Variants in DCDC2 observed in about 807,000 individuals in gnomAD.
The protein encoded by DCDC2 is doublecortin domain containing 2, also known as doublecortin domain-containing protein 2.
DCDC2 carries 40 observed loss-of-function variants against 50.2 expected under a neutral mutation model. The ratio of observed to expected loss-of-function variants is 0.80; its 90% CI spans 0.62 to 1.04. DCDC2 has a LOEUF of 1.04. Ranked by LOEUF, DCDC2 falls within the 50% of genes least tolerant of loss-of-function variation. The probability of loss-of-function intolerance (pLI) is 0.00; values close to 1 mark genes in which losing one functional copy is unlikely to be tolerated. For missense variants in DCDC2, 570 were observed against 581.9 expected, an observed-to-expected ratio of 0.98 and a Z score of 0.21; for synonymous variants, 234 against 210.6, an observed-to-expected ratio of 1.11 and a Z score of -0.96.
In DCDC2 at chr6:24,305,335, A is replaced by G. The variant is rs76843420; in HGVS notation, c.349-3291T>C. Among the ~76,000 whole-genome samples, 1,463 of 152,338 alleles carry G rather than the reference A, an allele frequency of 9.6e-3. 25 individuals are homozygous for G. The highest frequency in any genetic ancestry group is 0.033 in the African/African-American group (1,376 of 41,570). On this transcript the variant is annotated intron_variant, in intron 2 of 9. Coordinates refer to ENST00000378454, the MANE Select transcript of DCDC2 (RefSeq NM_016356.5). ...TGAATTGAAAACTAATCTTAAAGTT[A>G]TATTTCCTTGAGTTACATAATTAAA...
chr6:24,289,991 TTTTTTTTTTTTTTTTTTTTTG>T (rs1763707111), intron 5 of DCDC2, among the ~76,000 whole-genome samples: 1 of 77,848 alleles, frequency 1.3e-5, no homozygotes, highest in Non-Finnish European at 2.7e-5. Context: ...TTTTTTTTTT[TTTTTTTTTTTTTTTTTTTTTG>T]AGACGGAGTC....
intron 4 of DCDC2, among the ~76,000 whole-genome samples, chr6:24,293,687 A>G (rs1224247435): frequency 6.6e-6 from 1 of 152,238 alleles, no homozygotes; most frequent in Non-Finnish European, 1.5e-5. Context: ...AATGGATGTG[A>G]TAAACCTCTA....
At chr6:24,359,361 A>ATATTATATATATTTTATATG (rs1561789507), upstream of DCDC2, among the ~76,000 whole-genome samples, 55 of 34,106 alleles carry the variant, frequency 1.6e-3, no homozygotes, top group African/African-American at 6.7e-3. Context: ...TTTTATGTAT[A>ATATTATATATATTTTATATG]TTATATATTA....
rs775174265 is a variant in DCDC2 at position 24,178,431 on chromosome 6, C to T, written c.1225G>A (p.Asp409Asn). The T allele has an allele frequency of 1.2e-5, 19 of 1,614,102 alleles. No homozygotes were observed. The highest frequency in any genetic ancestry group is 1.6e-4 in the Middle Eastern group (1 of 6,084). The stretch of plus-strand genomic sequence containing the variant: ...TGCAGCTCCTCACCATTCTCCTCAT[C>T]GGTGCCTCCATTTACACGAGCAGGG... Reference protein sequence around the residue: ...ARPARVNGGTDEENGEELQQV... With the variant: ...ARPARVNGGTNEENGEELQQV... The change falls in exon 9 of 10, where the codon GAT (aspartate) becomes AAT (asparagine). Residue 409 changes from aspartate (D) to asparagine (N), a missense_variant. Physicochemically the swap from Asp to Asn is conservative, Grantham distance 23. Transcript: ENST00000378454.
At chr6:24,371,926 C>T in the DCDC2 span, among the ~76,000 whole-genome samples, 1 of 152,182 alleles carries the variant, frequency 6.6e-6, no homozygotes. Flanking sequence ...CAATGAGATA[C>T]CATCTCACAC....
At chr6:24,256,160 A>G (rs1762893508) in intron 7 of DCDC2, among the ~76,000 whole-genome samples, 1 of 152,180 alleles carries the variant, frequency 6.6e-6, no homozygotes, top group Non-Finnish European at 1.5e-5. Context: ...TTATTTTTAA[A>G]AGTTTAAAAC....
intron 1 of DCDC2, chr6:24,357,153 G>A: frequency 8.0e-6 from 2 of 251,018 alleles, no homozygotes; most frequent in Non-Finnish European, 1.5e-5. Flanking sequence ...AACAGAAAAC[G>A]CAAAAGTATC....
chr6:24,347,039 C>G (rs1247045911), intron 2 of DCDC2, among the ~76,000 whole-genome samples: 1 of 152,078 alleles, frequency 6.6e-6, no homozygotes, highest in Non-Finnish European at 1.5e-5. Flanking sequence ...GAGGGACAAC[C>G]CCAGCTATTA....
chr6:24,351,463 C>T (rs1169019564), intron 2 of DCDC2, among the ~76,000 whole-genome samples: 1 of 152,196 alleles, frequency 6.6e-6, no homozygotes, highest in Non-Finnish European at 1.5e-5. Flanking sequence ...CTTTTCCCAT[C>T]TCCTTTGCAT....
chr6:24,338,525 T>G (rs1209163187), intron 2 of DCDC2, among the ~76,000 whole-genome samples: 1 of 152,196 alleles, frequency 6.6e-6, no homozygotes, highest in Non-Finnish European at 1.5e-5. Flanking sequence ...CAACAGCCTC[T>G]CCCATCATGA....
At chr6:24,226,049 A>C (rs1013905945) in intron 7 of DCDC2, among the ~76,000 whole-genome samples, 5 of 152,218 alleles carry the variant, frequency 3.3e-5, no homozygotes, top group African/African-American at 9.6e-5. Flanking sequence ...ATTCCTTACT[A>C]TATGTGTGAT....
intron 7 of DCDC2, among the ~76,000 whole-genome samples, chr6:24,257,406 G>A (rs1308964828): frequency 2.0e-5 from 3 of 152,034 alleles, no homozygotes; most frequent in African/African-American, 7.2e-5. Context: ...AAGAGTTCAC[G>A]CACCAGTGGA....
Position 24,252,665 on chromosome 6 carries a change from C to CTT in DCDC2, c.922+25383_922+25384insAA, listed in dbSNP as rs1160251311. Reference sequence around the variant, plus strand: ...GAGGGGAGGATGAGCCTAGAGCCATCTCAAAGCCAAAGTACAAAATCAAAG... The same window carrying CTT: ...GAGGGGAGGATGAGCCTAGAGCCATCTTTCAAAGCCAAAGTACAAAATCAAAG... On this transcript the variant is annotated intron_variant, in intron 7 of 9. Coordinates refer to ENST00000378454, the MANE Select transcript of DCDC2 (RefSeq NM_016356.5). Among the ~76,000 whole-genome samples the CTT allele has an allele frequency of 1.1e-4, 17 of 152,296 alleles. No individual in the cohort carries two copies. In the East Asian group the frequency reaches 3.3e-3, roughly 29 times the overall value.
chr6:24,261,961 C>A (rs1763021027), intron 7 of DCDC2, among the ~76,000 whole-genome samples: 1 of 152,062 alleles, frequency 6.6e-6, no homozygotes, highest in Non-Finnish European at 1.5e-5. Context: ...CTGTCCACCC[C>A]CCAACAGGAA....
In DCDC2 at chr6:24,357,778, G is replaced by A; in HGVS notation, c.-28C>T. On this transcript the variant is annotated 5_prime_UTR_variant, in exon 1 of 10. Coordinates refer to ENST00000378454, the MANE Select transcript of DCDC2 (RefSeq NM_016356.5). ...TCCCCGCTGGCCGCCGCCTCAGCTC[G>A]CTGCTTCGCGTCGGGAGGCACCTCC... is the stretch of plus-strand genomic sequence containing the variant. 4 of 1,611,902 alleles carry A rather than the reference G, an allele frequency of 2.5e-6. No individual in the cohort carries two copies. Among genetic ancestry groups the A allele is most frequent in the Middle Eastern group, 3.3e-4 (2 of 6,052 alleles).
intron 7 of DCDC2, among the ~76,000 whole-genome samples, chr6:24,220,911 T>TGAGC (rs1184828335): frequency 3.3e-4 from 42 of 125,394 alleles, no homozygotes; most frequent in African/African-American, 9.0e-4. Context: ...AGCGAGAGAG[T>TGAGC]GAGCGAGCGA....
intron 7 of DCDC2, among the ~76,000 whole-genome samples, chr6:24,208,562 C>T (rs946735490): frequency 1.3e-5 from 2 of 151,730 alleles, no homozygotes; most frequent in Admixed American, 6.6e-5. Flanking sequence ...TAGAGACAAG[C>T]GTTTCTCCAT....
chr6:24,268,699 G>C (rs1763177799), intron 7 of DCDC2, among the ~76,000 whole-genome samples: 1 of 152,046 alleles, frequency 6.6e-6, no homozygotes, highest in African/African-American at 2.4e-5. Context: ...AGCCTCCCAA[G>C]TAGCTGAGAC....
At chr6:24,373,990 G>A in the DCDC2 span, among the ~76,000 whole-genome samples, 2 of 151,796 alleles carry the variant, frequency 1.3e-5, no homozygotes, top group African/African-American at 2.4e-5. Context: ...GTGAAACCCC[G>A]TCTCTACTAA....
Sources: allele counts gnomAD v4.1 joint callset (sites outside exome capture counted in the v4.1 genomes callset), GRCh38; gene constraint gnomAD v4.1.1; transcripts MANE v1.5; gene names NCBI Gene and HGNC (gene_info 2026-07-23, HGNC 2026-07-21).